The following CPNE4 variants were observed in gnomAD, a reference collection of about 807,000 sequenced individuals.
CPNE4 encodes the protein copine 4, also known as copine-4.
In CPNE4, 25 loss-of-function variants were observed where a neutral mutation model predicts 67.9. The observed-to-expected ratio is 0.37, with a 90% CI of 0.27 to 0.51. The LOEUF (loss-of-function observed/expected upper bound fraction) is 0.51, where lower values mean the gene tolerates loss of function less well. CPNE4 is among the 20% of genes least tolerant of loss of function. The probability of loss-of-function intolerance (pLI) is 0.93; values close to 1 mark genes in which losing one functional copy is unlikely to be tolerated. For missense variants in CPNE4, 464 were observed against 690.8 expected (o/e 0.67, Z 3.68); for synonymous variants, 242 against 244.9 (o/e 0.99, Z 0.11).
At chr3:131,541,046 C>T (rs1292027800) in intron 15 of CPNE4, among the ~76,000 whole-genome samples, 3 of 152,184 alleles carry the variant, frequency 2.0e-5, no homozygotes. Context: ...GTATTGTTGG[C>T]ATCTGCAGCA....
intron 2 of CPNE4, among the ~76,000 whole-genome samples, chr3:131,743,869 A>G (rs1310659455): frequency 4.8e-5 from 7 of 145,806 alleles, no homozygotes; most frequent in Non-Finnish European, 1.5e-5. Context: ...AGGCTGAGGC[A>G]GGAGAATGGC....
At chr3:131,887,572 T>G (rs1462980589) in intron 2 of CPNE4, among the ~76,000 whole-genome samples, 1 of 152,210 alleles carries the variant, frequency 6.6e-6, no homozygotes, top group African/African-American at 2.4e-5. Context: ...TGTTTTTATT[T>G]CTTCTTCTTC....
chr3:131,672,562 G>T (rs1847189), intron 6 of CPNE4, among the ~76,000 whole-genome samples: 43,597 of 151,782 alleles, frequency 0.29, 6,532 homozygotes, highest in Non-Finnish European at 0.32. Flanking sequence ...TTGCAGTTTT[G>T]TTTTGCATAT....
intron 2 of CPNE4, among the ~76,000 whole-genome samples, chr3:131,884,213 A>G (rs1456219932): frequency 6.6e-6 from 1 of 152,230 alleles, no homozygotes; most frequent in African/African-American, 2.4e-5. Flanking sequence ...TTACTGAATG[A>G]GTTAAAGAAT....
intron 1 of CPNE4, among the ~76,000 whole-genome samples, chr3:132,005,916 A>T (rs2073590461): frequency 6.6e-6 from 1 of 152,118 alleles, no homozygotes; most frequent in Admixed American, 6.6e-5. Flanking sequence ...ACATAATACT[A>T]CAAAGATTAG....
chr3:131,970,987 C>T (rs1358742428), intron 1 of CPNE4, among the ~76,000 whole-genome samples: 1 of 152,180 alleles, frequency 6.6e-6, no homozygotes, highest in African/African-American at 2.4e-5. Context: ...TGAGAAGGAT[C>T]AATTCTCAGA....
chr3:131,783,163 T>G (rs1019499901), intron 2 of CPNE4, among the ~76,000 whole-genome samples: 1 of 152,070 alleles, frequency 6.6e-6, no homozygotes, highest in African/African-American at 2.4e-5. Context: ...GGAATAAGCA[T>G]TTTGGCTTTT....
rs1030461132 is a variant in CPNE4, at chr3:131,997,783, G to A, written c.-2+36784C>T. Among the ~76,000 whole-genome samples, 13 of 152,034 alleles carry A rather than the reference G, an allele frequency of 8.6e-5. No individual in the cohort carries two copies. The South Asian group carries it at 1.5e-3, about 17-fold the overall frequency. On this transcript the variant is annotated intron_variant, in intron 1 of 15. Coordinates refer to ENST00000429747, the MANE Select transcript of CPNE4 (RefSeq NM_130808.3). ...AAACTTAGATTGATGGCAACAAAGC[G>A]GCCAGATTTGGCAGGTACTTGAATG...
chr3:132,019,535 A>T (rs1242516428), intron 1 of CPNE4, among the ~76,000 whole-genome samples: 1 of 152,232 alleles, frequency 6.6e-6, no homozygotes, highest in African/African-American at 2.4e-5. Flanking sequence ...AGATCTACAT[A>T]TACAGGAATA....
intron 2 of CPNE4, among the ~76,000 whole-genome samples, chr3:131,752,079 C>G (rs573921581): frequency 2.6e-5 from 4 of 152,278 alleles, no homozygotes; most frequent in African/African-American, 9.6e-5. Flanking sequence ...TTGTTACTAC[C>G]TGTTAGGAGT....
chr3:131,711,314 C>T (rs781758004), intron 3 of CPNE4, among the ~76,000 whole-genome samples: 1 of 152,186 alleles, frequency 6.6e-6, no homozygotes, highest in Non-Finnish European at 1.5e-5. Flanking sequence ...CTTTTGTCTT[C>T]TCAATTTTAA....
intron 2 of CPNE4, among the ~76,000 whole-genome samples, chr3:131,734,710 C>T (rs1400819529): frequency 6.6e-6 from 1 of 152,096 alleles, no homozygotes; most frequent in Non-Finnish European, 1.5e-5. Context: ...AATAGCGAGA[C>T]CTTGTCTCTA....
chr3:131,787,557 G>C (rs777623733), intron 2 of CPNE4, among the ~76,000 whole-genome samples: 1 of 152,108 alleles, frequency 6.6e-6, no homozygotes, highest in African/African-American at 2.4e-5. Context: ...TGGATCTGGC[G>C]GCTGAAGGCT....
intron 7 of CPNE4, among the ~76,000 whole-genome samples, chr3:131,653,209 G>A (rs1334643676): frequency 1.4e-5 from 2 of 146,188 alleles, no homozygotes; most frequent in African/African-American, 5.1e-5. Context: ...GCAGTGGTGC[G>A]ATCTCGGCTC....
chr3:131,739,394 T>A (rs2082309824), intron 2 of CPNE4, among the ~76,000 whole-genome samples: 2 of 152,204 alleles, frequency 1.3e-5, no homozygotes, highest in South Asian at 4.1e-4. Context: ...GTGTACATTT[T>A]CCCCTCTGTC....
At chr3:131,806,392 T>C (rs1340280525) in intron 2 of CPNE4, among the ~76,000 whole-genome samples, 1 of 151,480 alleles carries the variant, frequency 6.6e-6, no homozygotes, top group Non-Finnish European at 1.5e-5. Context: ...CTACTAAAAA[T>C]ACAAAAAATT....
At chr3:131,631,208 T>C (rs2079212514) in intron 7 of CPNE4, among the ~76,000 whole-genome samples, 1 of 152,228 alleles carries the variant, frequency 6.6e-6, no homozygotes, top group Non-Finnish European at 1.5e-5. Context: ...AGAGTTAATA[T>C]AATCATTTTC....
At chr3:131,951,465 T>C (rs2071717522) in intron 1 of CPNE4, among the ~76,000 whole-genome samples, 1 of 152,166 alleles carries the variant, frequency 6.6e-6, no homozygotes, top group African/African-American at 2.4e-5. Flanking sequence ...TTGCCACATT[T>C]TTCTTTTGCC....
rs1035930419 is a variant in CPNE4, at chr3:131,725,938, G to A, written c.181-2313C>T. On this transcript the variant is annotated intron_variant, in intron 2 of 15. Coordinates refer to ENST00000429747, the MANE Select transcript of CPNE4 (RefSeq NM_130808.3). Reference sequence around the variant, plus strand: ...ATTTAATTTCTCTTCCTGGCCCCTAGAGGCATTTTTGCAACATCTGGTCCA... The same window carrying A: ...ATTTAATTTCTCTTCCTGGCCCCTAAAGGCATTTTTGCAACATCTGGTCCA... 2.6e-5 allele frequency among the ~76,000 whole-genome samples: 4 copies of A among 152,106 alleles called. No homozygotes were observed. In the East Asian group the frequency reaches 7.7e-4, roughly 29 times the overall value.
Sources: allele counts gnomAD v4.1 joint callset (sites outside exome capture counted in the v4.1 genomes callset), GRCh38; gene constraint gnomAD v4.1.1; transcripts MANE v1.5; gene names NCBI Gene and HGNC (gene_info 2026-07-23, HGNC 2026-07-21).